Variants in SCML4 observed in about 807,000 individuals in gnomAD.
SCML4 encodes sex comb on midleg-like protein 4.
SCML4 carries 34 observed loss-of-function variants against 41.1 expected under a neutral mutation model. That is an observed-to-expected ratio of 0.83 (90% CI 0.63 to 1.10). The LOEUF is 1.10. Ranked by LOEUF, SCML4 falls within the 50% of genes least tolerant of loss-of-function variation. SCML4 has a pLI of 0.00. For synonymous variants in SCML4, 214 were observed against 220.9 expected, an observed-to-expected ratio of 0.97 and a Z score of 0.28; for missense variants, 522 against 534.1, an observed-to-expected ratio of 0.98 and a Z score of 0.22.
chr6:107,762,876 C>CTTT (rs57370632), intron 2 of SCML4, among the ~76,000 whole-genome samples: 36 of 89,644 alleles, frequency 4.0e-4, no homozygotes, highest in Non-Finnish European at 4.3e-4. Context: ...TAAATGCACT[C>CTTT]TTTTTTTTTT....
chr6:107,767,860 G>A (rs1405662925), intron 2 of SCML4, among the ~76,000 whole-genome samples: 1 of 152,164 alleles, frequency 6.6e-6, no homozygotes, highest in African/African-American at 2.4e-5. Context: ...CAAGGAGACA[G>A]GCGTGCCCTC....
intron 4 of SCML4, chr6:107,746,452 G>C: frequency 2.2e-6 from 1 of 447,602 alleles, no homozygotes; most frequent in East Asian, 3.5e-5. Context: ...TGGGAAGTGG[G>C]AGAAGGAGAA....
intron 5 of SCML4, among the ~76,000 whole-genome samples, chr6:107,727,507 T>G (rs1003855684): frequency 6.6e-6 from 1 of 152,202 alleles, no homozygotes. Context: ...TGCAGTCAAG[T>G]GTAACAAACA....
the SCML4 span, among the ~76,000 whole-genome samples, chr6:107,829,990 C>T: frequency 6.6e-6 from 1 of 152,152 alleles, no homozygotes; most frequent in African/African-American, 2.4e-5. Context: ...AGTCCAAAGC[C>T]TGCTCCCACA....
chr6:107,729,217 C>T (rs1776293560), intron 5 of SCML4, among the ~76,000 whole-genome samples: 1 of 152,184 alleles, frequency 6.6e-6, no homozygotes, highest in African/African-American at 2.4e-5. Context: ...CTGGAGCCTA[C>T]CAGTCTGAAA....
At chr6:107,729,937 G>A (rs138597084) in intron 5 of SCML4, among the ~76,000 whole-genome samples, 1 of 152,284 alleles carries the variant, frequency 6.6e-6, no homozygotes, top group Non-Finnish European at 1.5e-5. Flanking sequence ...ATTGTGCTAT[G>A]AATCTCATTG....
chr6:107,743,580 G>C (rs1300770237), intron 5 of SCML4, among the ~76,000 whole-genome samples: 1 of 152,236 alleles, frequency 6.6e-6, no homozygotes, highest in Non-Finnish European at 1.5e-5. Context: ...AGAAGAACGT[G>C]CTGTATCAGC....
chr6:107,778,611 A>G (rs928376695), intron 1 of SCML4, among the ~76,000 whole-genome samples: 2 of 152,146 alleles, frequency 1.3e-5, no homozygotes, highest in African/African-American at 4.8e-5. Flanking sequence ...GATCTGTTCT[A>G]TTAATTTGGA....
At chr6:107,780,517 G>C (rs1017973933) in intron 1 of SCML4, among the ~76,000 whole-genome samples, 1 of 152,122 alleles carries the variant, frequency 6.6e-6, no homozygotes, top group African/African-American at 2.4e-5. Context: ...AGACCAGCTA[G>C]GCAACATGGT....
intron 1 of SCML4, among the ~76,000 whole-genome samples, chr6:107,782,410 C>T (rs770139971): frequency 2.6e-5 from 4 of 152,182 alleles, no homozygotes; most frequent in East Asian, 1.9e-4. Context: ...GATCCGGTCC[C>T]GGGGGGCTGA....
rs149665740 is a variant in SCML4, at chr6:107,762,238, A to G, written c.156+9934T>C. ...AGAGTAGCCATTAATACAACAGAAAACAGAACGCTTGACTTCCAATGAATG... is the reference window on the plus strand; with the variant it reads ...AGAGTAGCCATTAATACAACAGAAAGCAGAACGCTTGACTTCCAATGAATG... On this transcript the variant is annotated intron_variant, in intron 2 of 7. Transcript: ENST00000369020. Among the ~76,000 whole-genome samples the G allele has an allele frequency of 4.9e-3, 752 of 152,292 alleles. 4 individuals carry two copies. Among genetic ancestry groups the G allele is most frequent in the African/African-American group, 0.017 (721 of 41,564 alleles).
At chr6:107,821,382 T>C (rs1784932596) in intron 1 of SCML4, among the ~76,000 whole-genome samples, 1 of 152,108 alleles carries the variant, frequency 6.6e-6, no homozygotes, top group African/African-American at 2.4e-5. Context: ...AATTAAGAAA[T>C]AAGATGTCTA....
At chr6:107,754,707 G>GA (rs1459321134) in intron 2 of SCML4, among the ~76,000 whole-genome samples, 2 of 152,152 alleles carry the variant, frequency 1.3e-5, no homozygotes, top group African/African-American at 2.4e-5. Flanking sequence ...TTCTTCCCTA[G>GA]AAAAATGACG....
chr6:107,823,406 C>T (rs1364318635), intron 1 of SCML4, among the ~76,000 whole-genome samples: 1 of 152,142 alleles, frequency 6.6e-6, no homozygotes, highest in East Asian at 1.9e-4. Context: ...GGGAGGAGCA[C>T]GTGGAAGCTG....
intron 1 of SCML4, among the ~76,000 whole-genome samples, chr6:107,787,256 A>T (rs558686485): frequency 1.1e-3 from 171 of 152,348 alleles, no homozygotes; most frequent in Admixed American, 2.5e-3. Flanking sequence ...CCGGGTGAAT[A>T]GAACAACATA....
the SCML4 span, among the ~76,000 whole-genome samples, chr6:107,838,028 C>G: frequency 6.6e-6 from 1 of 151,718 alleles, no homozygotes; most frequent in Admixed American, 6.6e-5. Context: ...CTGCCTCAGC[C>G]TCCTGAGTAC....
At chr6:107,749,845 A>G (rs1389750864) in intron 2 of SCML4, 32 bp from the exon 3 acceptor site, 11 of 1,612,478 alleles carry the variant, frequency 6.8e-6, no homozygotes, top group African/African-American at 5.3e-5. Context: ...GTCAATGAGA[A>G]TCTGGCAATT....
intron 5 of SCML4, among the ~76,000 whole-genome samples, chr6:107,739,674 A>T (rs1777405554): frequency 1.3e-5 from 2 of 152,202 alleles, no homozygotes; most frequent in Admixed American, 1.3e-4. Flanking sequence ...CCCTTCCCTC[A>T]TACAAATGCA....
Position 107,745,204 on chromosome 6 carries a change from G to A in SCML4, c.488-61C>T, listed in dbSNP as rs924633402. On this transcript the variant is annotated intron_variant, in intron 4 of 7. Coordinates refer to ENST00000369020, the MANE Select transcript of SCML4 (RefSeq NM_198081.5). ...CACTGGAGAAAACCGCAAGTCAATC[G>A]GCCGTGGTGAGGATTTTTCGTTTGT... is the stretch of plus-strand genomic sequence containing the variant. The A allele has an allele frequency of 1.3e-5, 17 of 1,265,764 alleles. No homozygotes were observed. In the African/African-American group the frequency reaches 2.0e-4, roughly 15 times the overall value. 78.4% of individuals were successfully genotyped at this position (1,265,764 alleles called of 1,614,324 possible). A position where few individuals can be genotyped will look rare whatever the true frequency, so the allele number is the denominator to read the frequency against.
Sources: allele counts gnomAD v4.1 joint callset (sites outside exome capture counted in the v4.1 genomes callset), GRCh38; gene constraint gnomAD v4.1.1; transcripts MANE v1.5; gene names NCBI Gene and HGNC (gene_info 2026-07-23, HGNC 2026-07-21).